The following NAA35 variants were observed in gnomAD, a reference collection of about 807,000 sequenced individuals.
NAA35 encodes MAK10 homolog, amino-acid N-acetyltransferase subunit.
Under a neutral mutation model 101.7 loss-of-function variants are expected in NAA35, and 18 were observed. The observed-to-expected ratio is 0.18, with a 90% confidence interval of 0.12 to 0.26. The LOEUF (loss-of-function observed/expected upper bound fraction) is 0.26, where lower values mean the gene tolerates loss of function less well. Ranked by LOEUF, NAA35 falls within the 10% of genes least tolerant of loss-of-function variation. NAA35 has a pLI of 1.00. For synonymous variants in NAA35, 267 were observed against 273.1 expected (o/e 0.98, Z 0.22); for missense variants, 601 against 886.8 (o/e 0.68, Z 4.09).
intron 6 of NAA35, among the ~76,000 whole-genome samples, chr9:85,971,630 G>A (rs1312877157): frequency 6.6e-6 from 1 of 152,112 alleles, no homozygotes; most frequent in East Asian, 1.9e-4. Context: ...GATGATCAAA[G>A]AAATTACAAA....
chr9:85,946,683 G>A (rs1356642651), intron 2 of NAA35, among the ~76,000 whole-genome samples: 1 of 127,052 alleles, frequency 7.9e-6, no homozygotes, highest in Non-Finnish European at 1.6e-5. Flanking sequence ...TTTTTTTTGC[G>A]ATTTTTTTTT....
Position 85,961,994 on chromosome 9 carries a change from C to A in NAA35, c.349-19C>A. The A allele has an allele frequency of 6.3e-7, 1 of 1,584,740 alleles. No homozygotes were observed. Among genetic ancestry groups the A allele is most frequent in the Admixed American group, 1.8e-5 (1 of 54,148 alleles). Reference sequence around the variant, plus strand: ...CTCAGTTTATCACCTTAAATATATACTCTTTTGTTTCTTTATAGATAACGT... The same window carrying A: ...CTCAGTTTATCACCTTAAATATATAATCTTTTGTTTCTTTATAGATAACGT... On this transcript the variant is annotated intron_variant, in intron 5 of 22. Transcript: ENST00000361671.
intron 11 of NAA35, among the ~76,000 whole-genome samples, chr9:85,979,308 A>G (rs567452513): frequency 3.3e-5 from 5 of 152,302 alleles, no homozygotes; most frequent in African/African-American, 1.2e-4. Context: ...CCAATTGGCT[A>G]GCAACTTAGA....
intron 2 of NAA35, among the ~76,000 whole-genome samples, chr9:85,943,869 A>G (rs62568891): frequency 6.6e-4 from 100 of 152,332 alleles, no homozygotes; most frequent in Middle Eastern, 3.4e-3. Context: ...ACTGAGATGA[A>G]CTATGTGAGT....
intron 13 of NAA35, among the ~76,000 whole-genome samples, chr9:86,004,098 G>C (rs1162589743): frequency 6.6e-6 from 1 of 152,042 alleles, no homozygotes; most frequent in African/African-American, 2.4e-5. Flanking sequence ...TTGTAGCATT[G>C]AATGTTTTTT....
rs1162265822 is a variant in NAA35, at chr9:86,018,765, A to G, written c.1981A>G (p.Lys661Glu). ...TCCTGAACTGTATGTGGCAGCTAGT[A>G]AGCACTTTCAACAGGCAAAAATGAT... ...QSPELYVAAS[K>E]HFQQAKMILE... The change falls in exon 21 of 23, where the codon AAG becomes GAG. Residue 661 changes from lysine to glutamate, a missense_variant. Transcript: ENST00000361671. The G allele has an allele frequency of 6.2e-7, 1 of 1,614,026 alleles. No homozygotes were observed. Among genetic ancestry groups the G allele is most frequent in the Non-Finnish European group, 8.5e-7 (1 of 1,180,006 alleles).
chr9:85,978,546 A>G (rs1256885723), intron 11 of NAA35, among the ~76,000 whole-genome samples, 165 bp downstream of exon 11: 1 of 152,210 alleles, frequency 6.6e-6, no homozygotes, highest in Non-Finnish European at 1.5e-5. Flanking sequence ...ATACTAGACT[A>G]AAAAACAATA....
chr9:85,957,047 A>G (rs1019020571), intron 3 of NAA35, among the ~76,000 whole-genome samples: 1 of 152,134 alleles, frequency 6.6e-6, no homozygotes, highest in African/African-American at 2.4e-5. Context: ...CCCTTGAGCA[A>G]CTTGGGGATT....
chr9:85,952,517 T>C (rs537105730), intron 2 of NAA35, among the ~76,000 whole-genome samples: 1 of 152,200 alleles, frequency 6.6e-6, no homozygotes, highest in East Asian at 1.9e-4. Context: ...ACTCCTGACC[T>C]CCAGTAATCC....
intron 6 of NAA35, among the ~76,000 whole-genome samples, chr9:85,967,794 T>G (rs1383290601): frequency 1.4e-5 from 2 of 144,154 alleles, no homozygotes; most frequent in Non-Finnish European, 3.0e-5. Flanking sequence ...AGAGTGAGAC[T>G]GTCTCAAAAA....
intron 12 of NAA35, among the ~76,000 whole-genome samples, chr9:85,999,662 T>C (rs1274024293): frequency 6.6e-6 from 1 of 152,208 alleles, no homozygotes; most frequent in Non-Finnish European, 1.5e-5. Flanking sequence ...AGTGATCCTT[T>C]AGAATTTTCT....
chr9:86,019,402 A>G (rs1200560660), intron 21 of NAA35, among the ~76,000 whole-genome samples: 3 of 152,222 alleles, frequency 2.0e-5, no homozygotes, highest in Non-Finnish European at 2.9e-5. Context: ...CGGAGGTTGC[A>G]GGGAGCCGAG....
intron 22 of NAA35, 90 bp from the exon 23 acceptor site, chr9:86,021,811 C>A (rs1037281702): frequency 3.6e-6 from 4 of 1,105,382 alleles, no homozygotes; most frequent in African/African-American, 1.6e-5. Flanking sequence ...TCTAAGAACA[C>A]AAGAAACTCT....
intron 2 of NAA35, among the ~76,000 whole-genome samples, chr9:85,952,301 T>A (rs1829053019): frequency 6.6e-6 from 1 of 151,758 alleles, no homozygotes; most frequent in Admixed American, 6.6e-5. Context: ...TTTTTTTTTT[T>A]TGAGACGGTG....
intron 11 of NAA35, among the ~76,000 whole-genome samples, chr9:85,992,285 A>C (rs1284319054): frequency 6.6e-6 from 1 of 152,220 alleles, no homozygotes; most frequent in Non-Finnish European, 1.5e-5. Flanking sequence ...CAAAAACTTA[A>C]GCATCAAAGT....
chr9:86,020,058 A>T (rs890339814), intron 21 of NAA35, among the ~76,000 whole-genome samples: 3 of 152,188 alleles, frequency 2.0e-5, no homozygotes, highest in Non-Finnish European at 4.4e-5. Context: ...GTGCAGTTTA[A>T]TATGCATAGT....
intron 20 of NAA35, 123 bp from the exon 21 acceptor site, chr9:86,018,576 A>G: frequency 7.3e-7 from 1 of 1,366,578 alleles, no homozygotes; most frequent in East Asian, 2.3e-5. Flanking sequence ...GATGTGCTGA[A>G]TGTTTGCCCC....
intron 6 of NAA35, among the ~76,000 whole-genome samples, chr9:85,964,217 C>A (rs576062011): frequency 1.3e-5 from 2 of 149,684 alleles, no homozygotes; most frequent in African/African-American, 4.9e-5. Flanking sequence ...ACATATGATT[C>A]GTATGCAGAT....
At chr9:86,000,529 CT>C (rs1018413934) in intron 12 of NAA35, among the ~76,000 whole-genome samples, 38 of 145,616 alleles carry the variant, frequency 2.6e-4, no homozygotes, top group Admixed American at 3.4e-4. Flanking sequence ...ACGTCCTGGC[CT>C]TTTTTTTTTG....
Sources: gnomAD v4.1 joint callset for allele counts (sites outside exome capture counted in the v4.1 genomes callset) on GRCh38, gnomAD v4.1.1 for gene constraint, MANE v1.5 for transcripts, NCBI Gene and HGNC (gene_info 2026-07-23, HGNC 2026-07-21) for gene names.